Variants in RNF152 observed in about 807,000 individuals in gnomAD.
The protein encoded by RNF152 is ring finger protein 152.
A neutral mutation model predicts 12.7 loss-of-function variants in RNF152; 11 were observed. That is an observed-to-expected ratio of 0.86 (90% CI 0.54 to 1.43). The LOEUF is 1.43. Among genes scored for constraint, RNF152 ranks in the 40% most tolerant of loss-of-function variants. The pLI, the probability that RNF152 is intolerant of heterozygous loss-of-function variation, is 0.00. For synonymous variants in RNF152, 113 were observed against 120.3 expected, an observed-to-expected ratio of 0.94 and a Z score of 0.40; for missense variants, 255 against 274.8, an observed-to-expected ratio of 0.93 and a Z score of 0.51.
intron 1 of RNF152, among the ~76,000 whole-genome samples, chr18:61,867,023 T>C (rs934823154): frequency 1.3e-4 from 20 of 152,190 alleles, no homozygotes; most frequent in African/African-American, 4.8e-4. Context: ...AATTTTTTTT[T>C]CTCACCAAAC....
intron 1 of RNF152, among the ~76,000 whole-genome samples, chr18:61,851,969 A>G (rs1230304503): frequency 1.3e-5 from 2 of 152,180 alleles, no homozygotes; most frequent in African/African-American, 4.8e-5. Flanking sequence ...AATTTTATCT[A>G]TAATATCCTC....
intron 1 of RNF152, among the ~76,000 whole-genome samples, chr18:61,839,173 C>T (rs963150215): frequency 4.6e-5 from 7 of 152,072 alleles, no homozygotes; most frequent in Non-Finnish European, 8.8e-5. Context: ...AACTGCAGTA[C>T]AGTCATTAAA....
At chr18:61,892,285 C>G (rs1191837944) in intron 1 of RNF152, among the ~76,000 whole-genome samples, 2 of 152,190 alleles carry the variant, frequency 1.3e-5, no homozygotes, top group Non-Finnish European at 2.9e-5. Context: ...TAGCATGTCT[C>G]TCTTAATATT....
chr18:61,843,105 A>G (rs1910524451), intron 1 of RNF152, among the ~76,000 whole-genome samples: 1 of 152,188 alleles, frequency 6.6e-6, no homozygotes, highest in Non-Finnish European at 1.5e-5. Flanking sequence ...CTAGCCGGGT[A>G]TTTGACAACC....
In RNF152 at chr18:61,808,817, T is replaced by A. The variant is rs1405368071; in HGVS notation, c.*7035A>T. 1 of 152,122 alleles carries A rather than the reference T, an allele frequency of 6.6e-6. No individual in the cohort carries two copies. Among genetic ancestry groups the A allele is most frequent in the Non-Finnish European group, 1.5e-5 (1 of 68,036 alleles). The allele number at this position is 152,122 out of a possible 1,614,324, so 9.4% of individuals were successfully genotyped here. ...TTCCATGGTTAAGAGGATTCTAGAG[T>A]CTGTCTGCACTGACGTGGCAACCAA... On this transcript the variant is annotated 3_prime_UTR_variant, in exon 2 of 2. Coordinates refer to ENST00000312828, the MANE Select transcript of RNF152 (RefSeq NM_173557.3).
intron 1 of RNF152, among the ~76,000 whole-genome samples, chr18:61,863,740 G>A (rs1230535973): frequency 6.6e-6 from 1 of 152,062 alleles, no homozygotes; most frequent in Non-Finnish European, 1.5e-5. Flanking sequence ...GAGAGGTGGG[G>A]GCATTACACA....
intron 1 of RNF152, among the ~76,000 whole-genome samples, chr18:61,822,355 G>A (rs181146022): frequency 6.6e-6 from 1 of 152,080 alleles, no homozygotes; most frequent in South Asian, 2.1e-4. Context: ...TGTTGTTGCT[G>A]TTGTTATTTT....
intron 1 of RNF152, among the ~76,000 whole-genome samples, chr18:61,820,567 G>A (rs1343766762): frequency 6.6e-6 from 1 of 151,948 alleles, no homozygotes; most frequent in African/African-American, 2.4e-5. Context: ...TGAGCTACGG[G>A]TGGGTAGGAA....
intron 1 of RNF152, among the ~76,000 whole-genome samples, chr18:61,861,202 C>G (rs1911461632): frequency 7.0e-6 from 1 of 143,026 alleles, no homozygotes; most frequent in Non-Finnish European, 1.5e-5. Context: ...CATCCACTCA[C>G]CACTCACATC....
chr18:61,868,312 G>A (rs1911831320), intron 1 of RNF152, among the ~76,000 whole-genome samples: 1 of 152,160 alleles, frequency 6.6e-6, no homozygotes, highest in Admixed American at 6.5e-5. Flanking sequence ...CAGCTACACT[G>A]CTCAGTATCA....
chr18:61,810,861 C>G lies in RNF152; in HGVS notation c.*4991G>C, dbSNP rs1912947984. On this transcript the variant is annotated 3_prime_UTR_variant, in exon 2 of 2. Coordinates refer to ENST00000312828, the MANE Select transcript of RNF152 (RefSeq NM_173557.3). The stretch of plus-strand genomic sequence containing the variant: ...AAATGTCAAGGAACAGCTTCTCTAT[C>G]TAAGTCAGGGATGACAGACTGACTA... The G allele has an allele frequency of 6.6e-6, 1 of 151,622 alleles. No individual in the cohort carries two copies. The highest frequency in any genetic ancestry group is 2.4e-5 in the African/African-American group (1 of 41,340). The allele number at this position is 151,622 out of a possible 1,614,324, so 9.4% of individuals were successfully genotyped here. A position where few individuals can be genotyped will look rare whatever the true frequency, so the allele number is the denominator to read the frequency against.
intron 1 of RNF152, among the ~76,000 whole-genome samples, chr18:61,891,066 C>A (rs1052661588): frequency 3.3e-5 from 5 of 152,148 alleles, no homozygotes; most frequent in Admixed American, 3.3e-4. Context: ...TACACCCAAC[C>A]CCAACCCCTT....
intron 1 of RNF152, among the ~76,000 whole-genome samples, chr18:61,846,590 T>C (rs1390397369): frequency 1.3e-5 from 2 of 152,192 alleles, no homozygotes; most frequent in African/African-American, 4.8e-5. Context: ...AACACTCTTC[T>C]CCTGAGTGAT....
rs1263136808 is a variant in RNF152, at chr18:61,812,647, T to C, written c.*3205A>G. ...GATCATTAATAAAGATGAAAATTCA[T>C]GCTTCTTATAGTTTACTATTTATAC... On this transcript the variant is annotated 3_prime_UTR_variant, in exon 2 of 2. Coordinates refer to ENST00000312828, the MANE Select transcript of RNF152 (RefSeq NM_173557.3). The C allele has an allele frequency of 6.6e-6, 1 of 152,220 alleles. No homozygotes were observed. Among genetic ancestry groups the C allele is most frequent in the Non-Finnish European group, 1.5e-5 (1 of 68,038 alleles). 9.4% of individuals were successfully genotyped at this position (152,220 alleles called of 1,614,324 possible).
upstream of RNF152, chr18:61,894,198 G>T (rs917768563): frequency 5.3e-5 from 8 of 151,360 alleles, no homozygotes; most frequent in Non-Finnish European, 7.4e-5. The surrounding 1 kb of genome is among the most constrained non-coding windows in gnomAD (Gnocchi z 4.9). Flanking sequence ...GGCGGCGGCG[G>T]CGACAGCATC....
At position 61,816,052 on chromosome 18, in the gene RNF152, C is replaced by T. The variant is rs1305769284; in HGVS notation, c.412G>A (p.Glu138Lys). Reference sequence around the variant, plus strand: ...GCCCCACCTTGCAGAGGCTGCTGTTCAGCAGGGATGGTCACCACGGTGACG... The same window carrying T: ...GCCCCACCTTGCAGAGGCTGCTGTTTAGCAGGGATGGTCACCACGGTGACG... Reference protein sequence around the residue: ...KSVTVVTIPAEQQPLQGGAPQ... With the variant: ...KSVTVVTIPAKQQPLQGGAPQ... The change falls in exon 2 of 2, where the codon GAA becomes AAA. Residue 138 changes from glutamate (E) to lysine (K), a missense_variant. Physicochemically the swap from Glu to Lys is moderately conservative, Grantham distance 56. Transcript: ENST00000312828. The T allele has an allele frequency of 1.1e-5, 17 of 1,614,250 alleles. No homozygotes were observed. Among genetic ancestry groups the T allele is most frequent in the Admixed American group, 1.7e-5 (1 of 60,030 alleles).
chr18:61,821,328 A>C (rs1254197320), intron 1 of RNF152, among the ~76,000 whole-genome samples: 2 of 152,198 alleles, frequency 1.3e-5, no homozygotes, highest in East Asian at 3.8e-4. Context: ...AGCCATTTTG[A>C]CAGCAGCCTC....
rs112622414 is a variant in RNF152 at position 61,867,462 on chromosome 18, A to G, written c.-136+25333T>C. Among the ~76,000 whole-genome samples, 5 of 152,180 alleles carry G rather than the reference A, an allele frequency of 3.3e-5. 1 individual carries two copies. The highest frequency in any genetic ancestry group is 1.2e-4 in the African/African-American group (5 of 41,486). On this transcript the variant is annotated intron_variant, in intron 1 of 1. Transcript: ENST00000312828. ...GTGAGACACCATCTCAAAAAAAAAA[A>G]AGAGATGACAAACTGAATCTTCAGC...
Position 61,811,807 on chromosome 18 carries a change from G to GC in RNF152, c.*4044dup, listed in dbSNP as rs1230910033. The GC allele has an allele frequency of 6.6e-6, 1 of 152,078 alleles. No individual in the cohort carries two copies. The highest frequency in any genetic ancestry group is 1.9e-4 in the East Asian group (1 of 5,192). The allele number at this position is 152,078 out of a possible 1,614,324, so 9.4% of individuals were successfully genotyped here. ...GACACAATTTCACAGTACAGATCATGCATAGCTTGCAAGTCAAACGTTTTA... is the reference window on the plus strand; with the variant it reads ...GACACAATTTCACAGTACAGATCATGCCATAGCTTGCAAGTCAAACGTTTTA... On this transcript the variant is annotated 3_prime_UTR_variant, in exon 2 of 2. Transcript: ENST00000312828.
Sources: gnomAD v4.1 joint callset for allele counts (sites outside exome capture counted in the v4.1 genomes callset) on GRCh38, gnomAD v4.1.1 for gene constraint, Gnocchi (gnomAD v3.1) non-coding constraint, MANE v1.5 for transcripts, NCBI Gene and HGNC (gene_info 2026-07-23, HGNC 2026-07-21) for gene names.